CPNE7: variants seen among roughly 807,000 people sequenced by gnomAD.
CPNE7 encodes the protein copine-7.
A neutral mutation model predicts 66.5 loss-of-function variants in CPNE7; 78 were observed. That is an observed-to-expected ratio of 1.17 (90% CI 0.98 to 1.42). The LOEUF (loss-of-function observed/expected upper bound fraction) is 1.42, where lower values mean the gene tolerates loss of function less well. Among genes scored for constraint, CPNE7 ranks in the 40% most tolerant of loss-of-function variants. The probability of loss-of-function intolerance (pLI) is 0.00; values close to 1 mark genes in which losing one functional copy is unlikely to be tolerated. For missense variants in CPNE7, 1,012 were observed against 776.6 expected (o/e 1.30, Z -3.60); for synonymous variants, 468 against 336.7 (o/e 1.39, Z -4.27).
chr16:89,579,733 T>C (rs1287594537), intron 2 of CPNE7, among the ~76,000 whole-genome samples: 2 of 141,768 alleles, frequency 1.4e-5, no homozygotes, highest in Non-Finnish European at 3.0e-5. Context: ...ACACGGAACA[T>C]CCCATCACCC....
rs957434752 is a variant in CPNE7, at chr16:89,584,883, G to C, written c.591+26G>C. The C allele has an allele frequency of 6.3e-7, 1 of 1,592,410 alleles. No homozygotes were observed. Among genetic ancestry groups the C allele is most frequent in the East Asian group, 2.2e-5 (1 of 44,812 alleles). The stretch of plus-strand genomic sequence containing the variant: ...GTGAGCGGCCGGGGATGGGAACACA[G>C]GGAGGGGAAGGGGCTGTCCCCAGCC... On this transcript the variant is annotated intron_variant, in intron 5 of 14. Coordinates refer to ENST00000319518, the MANE Select transcript of CPNE7 (RefSeq NM_153636.3). This position sits in a 1 kb window ranked among gnomAD's most constrained non-coding sequence, Gnocchi z 6.0.
chr16:89,588,834 C>G, intron 10 of CPNE7, 26 bp downstream of exon 10: 6 of 1,608,770 alleles, frequency 3.7e-6, no homozygotes, highest in Non-Finnish European at 4.2e-6. Context: ...TCCCCTCACC[C>G]CCTGGTCTCC....
chr16:89,584,034 G>T lies in CPNE7; in HGVS notation c.439G>T (p.Ala147Ser), dbSNP rs772502780. Residue 147 changes from alanine (A) to serine (S), a missense_variant, in exon 4 of 15, where the codon GCC becomes TCC. Coordinates refer to ENST00000319518, the MANE Select transcript of CPNE7 (RefSeq NM_153636.3). The surrounding 1 kb of genome is among the most constrained non-coding windows in gnomAD (Gnocchi z 6.0). ...NAGKSTITVI[A>S]EDISGNNGYV... ...CCGGGCGTCCCCCTGCCAGGTGATCGCCGAGGACATCTCGGGGAACAACGG... is the reference window on the plus strand; with the variant it reads ...CCGGGCGTCCCCCTGCCAGGTGATCTCCGAGGACATCTCGGGGAACAACGG... 2.5e-6 allele frequency: 4 copies of T among 1,612,036 alleles called. No homozygotes were observed. Among genetic ancestry groups the T allele is most frequent in the Non-Finnish European group, 3.4e-6 (4 of 1,179,566 alleles).
Position 89,583,629 on chromosome 16 carries a change from C to A in CPNE7, c.358-68C>A, listed in dbSNP as rs945008812. 16 of 1,608,014 alleles carry A rather than the reference C, an allele frequency of 1.0e-5. No homozygotes were observed. The East Asian group carries it at 3.3e-4, about 34-fold the overall frequency. ...AGGCCTGAGAGTCCGGGTGAGGGCG[C>A]GGTGGGGTCTCCAGGGTCAGGAGCC... is the stretch of plus-strand genomic sequence containing the variant. On this transcript the variant is annotated intron_variant, in intron 2 of 14. Transcript: ENST00000319518.
At chr16:89,593,837 G>C (rs974590735) in intron 13 of CPNE7, among the ~76,000 whole-genome samples, 1 of 152,184 alleles carries the variant, frequency 6.6e-6, no homozygotes. Context: ...CCTGGCCCAG[G>C]AGCCAGTCCG....
chr16:89,592,340 G>A (rs1270648784), intron 13 of CPNE7, among the ~76,000 whole-genome samples: 1 of 151,004 alleles, frequency 6.6e-6, no homozygotes, highest in Non-Finnish European at 1.5e-5. Flanking sequence ...TCACCAAAAA[G>A]TTACAAGAGC....
intron 2 of CPNE7, among the ~76,000 whole-genome samples, chr16:89,581,032 CGGAACATCCCGTAACCCATCACAT>C (rs2058948568): frequency 6.7e-6 from 1 of 149,072 alleles, no homozygotes; most frequent in African/African-American, 2.5e-5. Context: ...ACCCGTCACA[CGGAACATCCCGTAACCCATCACAT>C]GGAACATCCC....
In CPNE7 at chr16:89,591,239, G is replaced by A; in HGVS notation, c.1281G>A (p.Glu427=). 6.3e-7 allele frequency: 1 copy of A among 1,584,258 alleles called. No homozygotes were observed. The highest frequency in any genetic ancestry group is 1.1e-5 in the South Asian group (1 of 87,560). The part of the protein sequence containing the change: ...ISKVARVAAA[E]ESTGKASQYY... ...AGGTGGCACGCGTGGCGGCGGCCGAGGAGAGCACCGGGAAAGCCTCTGTAG... is the reference window on the plus strand; with the variant it reads ...AGGTGGCACGCGTGGCGGCGGCCGAAGAGAGCACCGGGAAAGCCTCTGTAG... Residue 427 remains glutamate, a synonymous_variant, in exon 13 of 15, where the codon GAG becomes GAA. Transcript: ENST00000319518.
chr16:89,595,630 A>T (rs200446658), intron 14 of CPNE7, 27 bp downstream of exon 14: 21 of 1,576,480 alleles, frequency 1.3e-5, no homozygotes, highest in Non-Finnish European at 1.7e-5. Context: ...GGCTCCGTCA[A>T]GGCCGGCTTG....
intron 2 of CPNE7, among the ~76,000 whole-genome samples, chr16:89,579,196 G>A (rs545779867): frequency 1.3e-5 from 2 of 151,992 alleles, no homozygotes; most frequent in South Asian, 4.2e-4. Flanking sequence ...GGAGGCTGAG[G>A]CAGGAGAATC....
chr16:89,586,654 C>A lies in CPNE7; in HGVS notation c.781-16C>A. 1 of 1,609,316 alleles carries A rather than the reference C, an allele frequency of 6.2e-7. No homozygotes were observed. The highest frequency in any genetic ancestry group is 8.5e-7 in the Non-Finnish European group (1 of 1,176,382). ...GAGCCACCACTCTGGGGGGCCTCTGCTTGTTCCTGCCCCAGGCCCAGTGGG... is the reference window on the plus strand; with the variant it reads ...GAGCCACCACTCTGGGGGGCCTCTGATTGTTCCTGCCCCAGGCCCAGTGGG... On this transcript the variant is annotated splice_polypyrimidine_tract_variant and intron_variant, in intron 7 of 14. Coordinates refer to ENST00000319518, the MANE Select transcript of CPNE7 (RefSeq NM_153636.3).
rs987002059 is a variant in CPNE7, at chr16:89,583,682, G to A, written c.358-15G>A. On this transcript the variant is annotated splice_polypyrimidine_tract_variant and intron_variant, in intron 2 of 14. Coordinates refer to ENST00000319518, the MANE Select transcript of CPNE7 (RefSeq NM_153636.3). The stretch of plus-strand genomic sequence containing the variant: ...CCCCGCCTGCCCCTCCCTGCCTGAC[G>A]CCTCTGACTTACAGATTGTGGCCCA... The A allele has an allele frequency of 1.2e-5, 20 of 1,612,556 alleles. No homozygotes were observed. Among genetic ancestry groups the A allele is most frequent in the Middle Eastern group, 1.6e-4 (1 of 6,084 alleles).
intron 9 of CPNE7, among the ~76,000 whole-genome samples, chr16:89,587,404 C>T (rs1221101683): frequency 3.2e-5 from 4 of 125,900 alleles, no homozygotes; most frequent in African/African-American, 9.2e-5. Flanking sequence ...ACTGGCGGTT[C>T]CCCGTGAGCC....
At position 89,588,628 on chromosome 16, in the gene CPNE7, C is replaced by T. The variant is rs143762062; in HGVS notation, c.928-47C>T. The T allele has an allele frequency of 2.9e-5, 47 of 1,609,228 alleles. No individual in the cohort carries two copies. The East Asian group carries it at 4.0e-4, about 14-fold the overall frequency. On this transcript the variant is annotated intron_variant, in intron 9 of 14. Transcript: ENST00000319518. ...TTTCTCTACCTGTCAGGAGCGGGTT[C>T]GGGGAGCCCCGGCCCAGCACAGCTC...
rs1469777866 is a variant in CPNE7 at position 89,595,357 on chromosome 16, G to A, written c.1303-10G>A. The stretch of plus-strand genomic sequence containing the variant: ...GTGTGGTGTTGCTGATGCCTTTCCT[G>A]TGCCCCCAGCAATACTACATCCTGC... On this transcript the variant is annotated splice_polypyrimidine_tract_variant and intron_variant, in intron 13 of 14. Coordinates refer to ENST00000319518, the MANE Select transcript of CPNE7 (RefSeq NM_153636.3). 3.2e-6 allele frequency: 5 copies of A among 1,553,112 alleles called. No homozygotes were observed. In the South Asian group the frequency reaches 4.9e-5, roughly 15 times the overall value.
In CPNE7 at chr16:89,575,876, C is replaced by G. The variant is rs1033085129; in HGVS notation, c.-22C>G. On this transcript the variant is annotated 5_prime_UTR_variant, in exon 1 of 15. Coordinates refer to ENST00000319518, the MANE Select transcript of CPNE7 (RefSeq NM_153636.3). ...GCAGCGGCCCCTCAGTGCGCCCAGC[C>G]GGGCCCCCGAACGCCGGGAGCATGA... The G allele has an allele frequency of 9.2e-6, 11 of 1,202,132 alleles. No individual in the cohort carries two copies. In the Admixed American group the frequency reaches 4.9e-4, roughly 53 times the overall value. The allele number at this position is 1,202,132 out of a possible 1,614,324, so 74.5% of individuals were successfully genotyped here. A position where few individuals can be genotyped will look rare whatever the true frequency, so the allele number is the denominator to read the frequency against.
In CPNE7 at chr16:89,587,774, A is replaced by AT. The variant is rs1567960999; in HGVS notation, c.927+672_927+673insT. On this transcript the variant is annotated intron_variant, in intron 9 of 14. Coordinates refer to ENST00000319518, the MANE Select transcript of CPNE7 (RefSeq NM_153636.3). ...CGTGTCACCCGCGTGTCACCCACAG[A>AT]AACACGGCCCCCGTGTCACCCACAG... 9.0e-4 allele frequency: 30 copies of AT among 33,446 alleles called. 6 individuals carry two copies. Among genetic ancestry groups the AT allele is most frequent in the Middle Eastern group, 0.014 (1 of 74 alleles). The allele number at this position is 33,446 out of a possible 1,614,324, so 2.1% of individuals were successfully genotyped here. A position where few individuals can be genotyped will look rare whatever the true frequency, so the allele number is the denominator to read the frequency against.
rs1223982139 is a variant in CPNE7 at position 89,583,720 on chromosome 16, C to T, written c.381C>T (p.Thr127=). 5.0e-6 allele frequency: 8 copies of T among 1,612,706 alleles called. No homozygotes were observed. The highest frequency in any genetic ancestry group is 6.8e-6 in the Non-Finnish European group (8 of 1,179,938). ...LGQIVAQKKV[T]RPLLLKFGRN... ...AGATTGTGGCCCAGAAGAAGGTGACCCGCCCGCTGCTGCTCAAGTTTGGCA... is the reference window on the plus strand; with the variant it reads ...AGATTGTGGCCCAGAAGAAGGTGACTCGCCCGCTGCTGCTCAAGTTTGGCA... The change falls in exon 3 of 15, where the codon ACC becomes ACT. Residue 127 remains threonine (T), a synonymous_variant. Transcript: ENST00000319518.
rs571896599 is a variant in CPNE7, at chr16:89,588,681, A to G, written c.934A>G (p.Ile312Val). Residue 312 changes from isoleucine to valine, a missense_variant, in exon 10 of 15, where the codon ATT becomes GTT. Transcript: ENST00000319518. ...GGCQIHFTVAIDFTASNGDPR... is the reference protein window; with the variant it reads ...GGCQIHFTVAVDFTASNGDPR... ...GGCTCCCGGCCCACTGCAGGTGGCC[A>G]TTGACTTCACCGCCTCCAATGGAGA... 9 of 1,613,158 alleles carry G rather than the reference A, an allele frequency of 5.6e-6. No homozygotes were observed. Among genetic ancestry groups the G allele is most frequent in the African/African-American group, 1.3e-5 (1 of 75,032 alleles).
Sources: gnomAD v4.1 joint callset for allele counts (sites outside exome capture counted in the v4.1 genomes callset) on GRCh38, gnomAD v4.1.1 for gene constraint, Gnocchi (gnomAD v3.1) non-coding constraint, MANE v1.5 for transcripts, NCBI Gene and HGNC (gene_info 2026-07-23, HGNC 2026-07-21) for gene names.